Variants in GALNTL6 observed in about 807,000 individuals in gnomAD.
GALNTL6 encodes the protein polypeptide N-acetylgalactosaminyltransferase-like 6.
A neutral mutation model predicts 73.7 loss-of-function variants in GALNTL6; 46 were observed. The ratio of observed to expected loss-of-function variants is 0.62; its 90% CI spans 0.49 to 0.80. The LOEUF (loss-of-function observed/expected upper bound fraction) is 0.80. Ranked by LOEUF, GALNTL6 falls within the 30% of genes least tolerant of loss-of-function variation. GALNTL6 has a pLI of 0.00. For missense variants in GALNTL6, 604 were observed against 755.0 expected (o/e 0.80, Z 2.34); for synonymous variants, 259 against 263.7 (o/e 0.98, Z 0.17).
intron 5 of GALNTL6, among the ~76,000 whole-genome samples, chr4:172,477,348 G>T (rs182712494): frequency 1.3e-5 from 2 of 152,248 alleles, no homozygotes; most frequent in East Asian, 1.9e-4. Context: ...TTAGGATAAT[G>T]TAAGAAGGAA....
intron 7 of GALNTL6, among the ~76,000 whole-genome samples, chr4:172,845,183 A>T (rs1743424936): frequency 2.0e-5 from 3 of 147,456 alleles, no homozygotes. Context: ...GCACCACTGC[A>T]CTCCAGCCTG....
chr4:172,043,236 T>G (rs908489276), intron 2 of GALNTL6, among the ~76,000 whole-genome samples: 1 of 152,048 alleles, frequency 6.6e-6, no homozygotes, highest in African/African-American at 2.4e-5. Flanking sequence ...CTCTGAAATG[T>G]AATCTCTTTA....
chr4:172,800,112 G>T lies in GALNTL6; in HGVS notation c.554-9249G>T, dbSNP rs574536672. ...ATAATGGTGGTTGCCTGAAGCTGGG[G>T]GGGAGAGAGAAATGGGGAGTTGTTG... On this transcript the variant is annotated intron_variant, in intron 5 of 12. Coordinates refer to ENST00000506823, the MANE Select transcript of GALNTL6 (RefSeq NM_001034845.3). Among the ~76,000 whole-genome samples, 19 of 152,254 alleles carry T rather than the reference G, an allele frequency of 1.2e-4. No homozygotes were observed. The East Asian group carries it at 2.1e-3, about 17-fold the overall frequency.
intron 5 of GALNTL6, among the ~76,000 whole-genome samples, chr4:172,784,469 A>G (rs1441864063): frequency 2.0e-5 from 3 of 152,146 alleles, no homozygotes; most frequent in East Asian, 3.8e-4. Flanking sequence ...TTAGAGGCTT[A>G]CAACAACACA....
chr4:172,198,410 T>C (rs1735847226), intron 2 of GALNTL6, among the ~76,000 whole-genome samples: 1 of 147,858 alleles, frequency 6.8e-6, no homozygotes, highest in Admixed American at 6.7e-5. Context: ...TAAACAAATT[T>C]ACAAGAAAAA....
At chr4:172,896,518 C>A (rs1382787773) in intron 8 of GALNTL6, among the ~76,000 whole-genome samples, 2 of 152,186 alleles carry the variant, frequency 1.3e-5, no homozygotes, top group Non-Finnish European at 2.9e-5. Flanking sequence ...AGAAGACTGT[C>A]CCAGTGGCCC....
chr4:171,974,192 C>T (rs1163338575), intron 2 of GALNTL6, among the ~76,000 whole-genome samples: 7 of 151,590 alleles, frequency 4.6e-5, no homozygotes, highest in Non-Finnish European at 1.0e-4. Context: ...TTTAATAATC[C>T]GTGTATTCTG....
At chr4:172,650,050 C>A (rs1740406810) in intron 5 of GALNTL6, among the ~76,000 whole-genome samples, 1 of 152,094 alleles carries the variant, frequency 6.6e-6, no homozygotes, top group South Asian at 2.1e-4. Flanking sequence ...GAAATATCCC[C>A]AAAATTCCCA....
intron 5 of GALNTL6, among the ~76,000 whole-genome samples, chr4:172,543,671 A>G (rs1440364455): frequency 1.3e-5 from 2 of 152,208 alleles, no homozygotes; most frequent in African/African-American, 4.8e-5. Context: ...GGGTAGTTTC[A>G]AGGGAGTCTC....
chr4:172,462,706 G>A (rs1732661881), intron 5 of GALNTL6, among the ~76,000 whole-genome samples: 1 of 152,136 alleles, frequency 6.6e-6, no homozygotes, highest in Admixed American at 6.6e-5. Flanking sequence ...TATTACTAAA[G>A]CTTTGCACAA....
At chr4:172,231,161 T>C (rs961843227) in intron 3 of GALNTL6, among the ~76,000 whole-genome samples, 3 of 152,152 alleles carry the variant, frequency 2.0e-5, no homozygotes, top group African/African-American at 7.2e-5. Context: ...TCCTCACTTT[T>C]CTAGTACTTT....
Position 172,910,144 on chromosome 4 carries a change from AAT to A in GALNTL6, c.1042-21015_1042-21014del, listed in dbSNP as rs200151269. On this transcript the variant is annotated intron_variant, in intron 8 of 12. Coordinates refer to ENST00000506823, the MANE Select transcript of GALNTL6 (RefSeq NM_001034845.3). Reference sequence around the variant, plus strand: ...GAACATATTTATAAGACAAAATTAAAATAGTTTCATATGCAGACAATATTCAT... The same window carrying A: ...GAACATATTTATAAGACAAAATTAAAAGTTTCATATGCAGACAATATTCAT... 6.0e-3 allele frequency among the ~76,000 whole-genome samples: 918 copies of A among 152,180 alleles called. 8 individuals carry two copies. The highest frequency in any genetic ancestry group is 0.021 in the African/African-American group (856 of 41,544).
intron 5 of GALNTL6, among the ~76,000 whole-genome samples, chr4:172,563,926 C>T (rs1736470169): frequency 6.6e-6 from 1 of 152,128 alleles, no homozygotes; most frequent in Non-Finnish European, 1.5e-5. Context: ...TGATAAAAAG[C>T]AGACCCACTT....
intron 2 of GALNTL6, among the ~76,000 whole-genome samples, chr4:171,968,850 G>C (rs1002450064): frequency 1.3e-5 from 2 of 150,042 alleles, no homozygotes; most frequent in Admixed American, 6.6e-5. Context: ...GTGGGGGGGG[G>C]GTTGGGGACA....
chr4:172,482,869 T>C (rs1327575509), intron 5 of GALNTL6, among the ~76,000 whole-genome samples: 3 of 152,220 alleles, frequency 2.0e-5, no homozygotes, highest in Admixed American at 6.5e-5. Flanking sequence ...CAAATACTTA[T>C]TGAATGAATT....
At chr4:172,412,525 G>A (rs965630270) in intron 5 of GALNTL6, among the ~76,000 whole-genome samples, 4 of 152,150 alleles carry the variant, frequency 2.6e-5, no homozygotes, top group African/African-American at 9.7e-5. Context: ...TATGCTTATA[G>A]AAGTCCAGAT....
chr4:172,746,473 A>G (rs1024680506), intron 5 of GALNTL6, among the ~76,000 whole-genome samples: 3 of 152,070 alleles, frequency 2.0e-5, no homozygotes, highest in African/African-American at 7.2e-5. Context: ...AGCCATTTTT[A>G]TAGTATCTAA....
chr4:172,021,704 A>G (rs1006199485), intron 2 of GALNTL6, among the ~76,000 whole-genome samples: 3 of 152,094 alleles, frequency 2.0e-5, no homozygotes, highest in Non-Finnish European at 4.4e-5. Flanking sequence ...CTACAGAGCT[A>G]TAGCAACCAA....
At chr4:172,056,665 A>C (rs1192663523) in intron 2 of GALNTL6, among the ~76,000 whole-genome samples, 8 of 151,976 alleles carry the variant, frequency 5.3e-5, no homozygotes. Flanking sequence ...AAAGAAAAAG[A>C]TTGTAGAAGT....
Sources: allele counts gnomAD v4.1 joint callset (sites outside exome capture counted in the v4.1 genomes callset), GRCh38; gene constraint gnomAD v4.1.1; transcripts MANE v1.5; gene names NCBI Gene and HGNC (gene_info 2026-07-23, HGNC 2026-07-21).